TSHZ1: variants seen among roughly 807,000 people sequenced by gnomAD.
TSHZ1 encodes teashirt zinc finger homeobox 1, also known as teashirt homolog 1.
A neutral mutation model predicts 67.1 loss-of-function variants in TSHZ1; 12 were observed. The ratio of observed to expected loss-of-function variants is 0.18; its 90% CI spans 0.11 to 0.29. The LOEUF (loss-of-function observed/expected upper bound fraction) is 0.29, where lower values mean the gene tolerates loss of function less well. Ranked by LOEUF, TSHZ1 falls within the 10% of genes least tolerant of loss-of-function variation. The pLI, the probability that TSHZ1 is intolerant of heterozygous loss-of-function variation, is 1.00. For synonymous variants in TSHZ1, 632 were observed against 622.4 expected (o/e 1.02, Z -0.23); for missense variants, 1,305 against 1,413.9 (o/e 0.92, Z 1.23).
chr18:75,263,669 A>G (rs1024049832), intron 1 of TSHZ1, among the ~76,000 whole-genome samples: 4 of 152,236 alleles, frequency 2.6e-5, no homozygotes, highest in African/African-American at 7.2e-5. Context: ...GTTTGTATCA[A>G]CATTTCATAC....
chr18:75,229,995 A>G (rs907176226), intron 1 of TSHZ1, among the ~76,000 whole-genome samples: 3 of 152,230 alleles, frequency 2.0e-5, no homozygotes, highest in Admixed American at 2.0e-4. Flanking sequence ...GGTATTTTAG[A>G]GGACAAATAC....
intron 1 of TSHZ1, among the ~76,000 whole-genome samples, chr18:75,250,335 C>A (rs571703837): frequency 7.2e-5 from 11 of 152,316 alleles, no homozygotes; most frequent in Non-Finnish European, 1.0e-4. Flanking sequence ...TTGCCCAGCC[C>A]CGGCAGGAGC....
intron 1 of TSHZ1, among the ~76,000 whole-genome samples, chr18:75,237,836 G>A (rs1284257987): frequency 9.1e-6 from 1 of 110,348 alleles, no homozygotes; most frequent in Non-Finnish European, 2.1e-5. Flanking sequence ...TTTTGAGACG[G>A]GGTTTCACTC....
intron 1 of TSHZ1, among the ~76,000 whole-genome samples, chr18:75,257,327 T>A (rs1361622645): frequency 2.0e-5 from 3 of 152,156 alleles, no homozygotes; most frequent in Non-Finnish European, 4.4e-5. Context: ...TGGGTCCTTT[T>A]TATTGCTGTT....
At chr18:75,219,681 A>G (rs1438950958) in intron 1 of TSHZ1, among the ~76,000 whole-genome samples, 1 of 152,268 alleles carries the variant, frequency 6.6e-6, no homozygotes, top group African/African-American at 2.4e-5. Context: ...ACAACAACGC[A>G]GTATTCTTCA....
At chr18:75,212,942 A>G (rs750747828) in intron 1 of TSHZ1, among the ~76,000 whole-genome samples, 1 of 152,236 alleles carries the variant, frequency 6.6e-6, no homozygotes, top group Non-Finnish European at 1.5e-5. Context: ...CCAGTGAGTT[A>G]TCGCTAAATA....
chr18:75,213,429 T>A (rs1310926613), intron 1 of TSHZ1, among the ~76,000 whole-genome samples: 2 of 152,240 alleles, frequency 1.3e-5, no homozygotes, highest in African/African-American at 4.8e-5. Flanking sequence ...CACTTGCTCA[T>A]GCTAGAAACA....
rs767861984 is a variant in TSHZ1, at chr18:75,288,081, T to C, written c.2674T>C (p.Trp892Arg). The change falls in exon 2 of 2, where the codon TGG becomes CGG. Residue 892 changes from tryptophan to arginine, a missense_variant. Trp to Arg is a moderately radical substitution (Grantham distance 101). Coordinates refer to ENST00000580243, the MANE Select transcript of TSHZ1 (RefSeq NM_001308210.2). This position sits in a 1 kb window ranked among gnomAD's most constrained non-coding sequence, Gnocchi z 4.9. ...VHKRKGRQSN[W>R]NPQHLLILQA... The stretch of plus-strand genomic sequence containing the variant: ...CAAGAGGAAGGGCCGGCAGTCCAAC[T>C]GGAACCCGCAGCACCTTCTCATCCT... 4.3e-6 allele frequency: 7 copies of C among 1,613,586 alleles called. No homozygotes were observed. Among genetic ancestry groups the C allele is most frequent in the Admixed American group, 1.7e-5 (1 of 60,028 alleles).
chr18:75,212,171 G>A (rs927184046), intron 1 of TSHZ1, among the ~76,000 whole-genome samples: 3 of 152,092 alleles, frequency 2.0e-5, no homozygotes, highest in Non-Finnish European at 4.4e-5. Flanking sequence ...ATGGCCGGGG[G>A]AGGCCGGGGG....
intron 1 of TSHZ1, among the ~76,000 whole-genome samples, chr18:75,243,242 C>T (rs1220141125): frequency 2.0e-5 from 3 of 152,198 alleles, no homozygotes; most frequent in Non-Finnish European, 4.4e-5. Context: ...TCATTCACAC[C>T]GTAAAGTGGT....
At chr18:75,245,205 C>T (rs1253874626) in intron 1 of TSHZ1, 1 of 152,110 alleles carries the variant, frequency 6.6e-6, no homozygotes, top group East Asian at 1.9e-4. Context: ...TGAAGAGAAA[C>T]CGGATTGACT....
chr18:75,281,371 G>A lies in TSHZ1; in HGVS notation c.41-4077G>A, dbSNP rs1162669648. Among the ~76,000 whole-genome samples the A allele has an allele frequency of 6.6e-6, 1 of 152,216 alleles. No individual in the cohort carries two copies. The highest frequency in any genetic ancestry group is 1.5e-5 in the Non-Finnish European group (1 of 68,042). ...AGAAAGTGTGCTGTTGTTTTGAGGAGGAGGGTGCTGGAGAGGGCGGTGGGG... is the reference window on the plus strand; with the variant it reads ...AGAAAGTGTGCTGTTGTTTTGAGGAAGAGGGTGCTGGAGAGGGCGGTGGGG... On this transcript the variant is annotated intron_variant, in intron 1 of 1. Coordinates refer to ENST00000580243, the MANE Select transcript of TSHZ1 (RefSeq NM_001308210.2). This position sits in a 1 kb window ranked among gnomAD's most constrained non-coding sequence, Gnocchi z 5.3.
At chr18:75,221,598 A>T (rs1318990778) in intron 1 of TSHZ1, among the ~76,000 whole-genome samples, 1 of 152,244 alleles carries the variant, frequency 6.6e-6, no homozygotes, top group African/African-American at 2.4e-5. Context: ...TTTAAAATAT[A>T]TGGATTTAAA....
chr18:75,261,830 A>G (rs186055451), intron 1 of TSHZ1, among the ~76,000 whole-genome samples: 2 of 152,224 alleles, frequency 1.3e-5, no homozygotes, highest in Admixed American at 6.5e-5. Flanking sequence ...GTTAATTTCC[A>G]TATAGGATAA....
chr18:75,265,521 G>A (rs1020799105), intron 1 of TSHZ1, among the ~76,000 whole-genome samples: 2 of 152,206 alleles, frequency 1.3e-5, no homozygotes, highest in South Asian at 2.1e-4. Context: ...GTCGTAGGTC[G>A]TATTTCAAAG....
rs1320133625 is a variant in TSHZ1, at chr18:75,289,270, TAAA to T, written c.*631_*633del. On this transcript the variant is annotated 3_prime_UTR_variant, in exon 2 of 2. Coordinates refer to ENST00000580243, the MANE Select transcript of TSHZ1 (RefSeq NM_001308210.2). ...TTCGGAAGCCACACCTCTACATGTCTAAAACAAAAAACAACAACAACAGATACC... is the reference window on the plus strand; with the variant it reads ...TTCGGAAGCCACACCTCTACATGTCTACAAAAAACAACAACAACAGATACC... 1 of 166,610 alleles carries T rather than the reference TAAA, an allele frequency of 6.0e-6. No individual in the cohort carries two copies. The highest frequency in any genetic ancestry group is 1.9e-4 in the East Asian group (1 of 5,184). The allele number at this position is 166,610 out of a possible 1,614,324, so 10.3% of individuals were successfully genotyped here.
At chr18:75,223,603 G>A (rs2022878068) in intron 1 of TSHZ1, among the ~76,000 whole-genome samples, 1 of 150,668 alleles carries the variant, frequency 6.6e-6, no homozygotes, top group South Asian at 2.1e-4. Flanking sequence ...TGTGGTTGGG[G>A]CTTTTTTGAA....
intron 1 of TSHZ1, among the ~76,000 whole-genome samples, chr18:75,244,322 G>T (rs926285121): frequency 2.0e-5 from 3 of 152,224 alleles, no homozygotes; most frequent in Middle Eastern, 3.2e-3. Flanking sequence ...AAGTGGTGTA[G>T]CTCCGATGGT....
At chr18:75,260,883 C>G (rs1001415207) in intron 1 of TSHZ1, among the ~76,000 whole-genome samples, 1 of 152,140 alleles carries the variant, frequency 6.6e-6, no homozygotes, top group African/African-American at 2.4e-5. Flanking sequence ...TTCAGGTGCT[C>G]TCTTAGTTTT....
Sources: gnomAD v4.1 joint callset for allele counts (sites outside exome capture counted in the v4.1 genomes callset) on GRCh38, gnomAD v4.1.1 for gene constraint, Gnocchi (gnomAD v3.1) non-coding constraint, MANE v1.5 for transcripts, NCBI Gene and HGNC (gene_info 2026-07-23, HGNC 2026-07-21) for gene names.